Variants in GRHL2 observed in about 807,000 individuals in gnomAD.
The protein encoded by GRHL2 is grainyhead like transcription factor 2, also known as grainyhead-like protein 2 homolog.
In GRHL2, 21 loss-of-function variants were observed where a neutral mutation model predicts 83.8. The ratio of observed to expected loss-of-function variants is 0.25; its 90% CI spans 0.18 to 0.36. GRHL2 has a LOEUF of 0.36. Ranked by LOEUF, GRHL2 falls within the 10% of genes least tolerant of loss-of-function variation. The pLI, the probability that GRHL2 is intolerant of heterozygous loss-of-function variation, is 1.00. For missense variants in GRHL2, 623 were observed against 781.8 expected, an observed-to-expected ratio of 0.80 and a Z score of 2.42; for synonymous variants, 280 against 278.9, an observed-to-expected ratio of 1.00 and a Z score of -0.04.
rs565947903 is a variant in GRHL2, at chr8:101,661,177, G to T, written c.1699-3277G>T. Among the ~76,000 whole-genome samples, 4 of 152,312 alleles carry T rather than the reference G, an allele frequency of 2.6e-5. No individual in the cohort carries two copies. In the South Asian group the frequency reaches 6.2e-4, roughly 24 times the overall value. On this transcript the variant is annotated intron_variant, in intron 14 of 15. Transcript: ENST00000646743. ...AGTCCATCAGCTATCATTAGTGTTA[G>T]TGTGTTTTATGTGTGGCCCAAGACA...
At chr8:101,523,253 T>G (rs534816725) in intron 1 of GRHL2, among the ~76,000 whole-genome samples, 1 of 152,004 alleles carries the variant, frequency 6.6e-6, no homozygotes, top group Non-Finnish European at 1.5e-5. Context: ...GGATTTTTTT[T>G]TTTTCCATAC....
intron 1 of GRHL2, chr8:101,542,822 G>A: frequency 6.6e-6 from 3 of 456,870 alleles, no homozygotes; most frequent in South Asian, 1.5e-5. Context: ...TGGAAAGAGA[G>A]CAAGAGGGGG....
intron 12 of GRHL2, among the ~76,000 whole-genome samples, chr8:101,639,256 A>C (rs1292266633): frequency 6.6e-6 from 1 of 152,186 alleles, no homozygotes; most frequent in Non-Finnish European, 1.5e-5. Flanking sequence ...TTGCTCTTAC[A>C]CATCTCACTA....
At chr8:101,564,613 C>T (rs1184989778) in intron 4 of GRHL2, among the ~76,000 whole-genome samples, 1 of 151,634 alleles carries the variant, frequency 6.6e-6, no homozygotes, top group Non-Finnish European at 1.5e-5. Context: ...CAAGACTAGC[C>T]TGGGCAACAT....
rs577031724 is a variant in GRHL2, at chr8:101,576,296, C to T, written c.892-1112C>T. Among the ~76,000 whole-genome samples, 16 of 152,304 alleles carry T rather than the reference C, an allele frequency of 1.1e-4. No homozygotes were observed. The South Asian group carries it at 2.9e-3, about 28-fold the overall frequency. On this transcript the variant is annotated intron_variant, in intron 6 of 15. Transcript: ENST00000646743. ...TGGCATGATCACTACTCATTGAAGC[C>T]TCAACCTCCCAAGCTCAAACGGATC...
At chr8:101,531,002 A>C (rs980506848) in intron 1 of GRHL2, among the ~76,000 whole-genome samples, 1 of 152,130 alleles carries the variant, frequency 6.6e-6, no homozygotes, top group African/African-American at 2.4e-5. Context: ...ATGCTGAAGC[A>C]GGTGGATCAC....
chr8:101,520,798 T>C (rs528638310), intron 1 of GRHL2, among the ~76,000 whole-genome samples: 1 of 152,320 alleles, frequency 6.6e-6, no homozygotes, highest in Admixed American at 6.5e-5. Flanking sequence ...GGTCCAGCTA[T>C]ACTGCCCTTC....
intron 2 of GRHL2, among the ~76,000 whole-genome samples, chr8:101,545,443 GAAAAAAAAAAAAAAAAAAAA>G (rs34421761): frequency 1.7e-5 from 1 of 58,908 alleles, no homozygotes; most frequent in Admixed American, 2.3e-4. Flanking sequence ...GGGAATTCCT[GAAAAAAAAAAAAAAAAAAAA>G]AAAAAAAAAG....
At chr8:101,646,600 C>G (rs559902721) in intron 13 of GRHL2, among the ~76,000 whole-genome samples, 1 of 152,330 alleles carries the variant, frequency 6.6e-6, no homozygotes, top group East Asian at 1.9e-4. Flanking sequence ...GGCTCAATTA[C>G]TTTGCCTATT....
chr8:101,530,962 G>A (rs947800973), intron 1 of GRHL2, among the ~76,000 whole-genome samples: 1 of 152,132 alleles, frequency 6.6e-6, no homozygotes, highest in Non-Finnish European at 1.5e-5. Context: ...TGTGCGTGGT[G>A]GCTCACACCT....
intron 1 of GRHL2, among the ~76,000 whole-genome samples, chr8:101,536,736 CA>C (rs1811053249): frequency 6.6e-6 from 1 of 152,162 alleles, no homozygotes; most frequent in Middle Eastern, 3.2e-3. Context: ...GTGTTGAAGA[CA>C]TTGATTTTAA....
intron 1 of GRHL2, among the ~76,000 whole-genome samples, chr8:101,509,106 TCTCC>T (rs1383896586): frequency 0.071 from 8,288 of 116,634 alleles, 329 homozygotes; most frequent in East Asian, 0.15. Flanking sequence ...TCTTTCTTTC[TCTCC>T]TTCCTTCCTT....
chr8:101,553,660 G>A (rs534041563), intron 3 of GRHL2, among the ~76,000 whole-genome samples: 109 of 128,720 alleles, frequency 8.5e-4, no homozygotes, highest in African/African-American at 2.9e-3. Context: ...ACGGAGTCTC[G>A]CTCTGTCACC....
intron 1 of GRHL2, among the ~76,000 whole-genome samples, chr8:101,531,522 A>G (rs1810928826): frequency 6.6e-6 from 1 of 152,090 alleles, no homozygotes; most frequent in Non-Finnish European, 1.5e-5. Flanking sequence ...ATAAAAATTC[A>G]CCTATAATCA....
chr8:101,629,397 A>G (rs965773830), intron 9 of GRHL2, among the ~76,000 whole-genome samples: 6 of 152,092 alleles, frequency 3.9e-5, no homozygotes, highest in Middle Eastern at 3.2e-3. Context: ...GTATAGTGCA[A>G]ACATAACCTC....
intron 7 of GRHL2, among the ~76,000 whole-genome samples, chr8:101,592,812 C>T (rs1230757420): frequency 6.6e-6 from 1 of 152,186 alleles, no homozygotes; most frequent in Non-Finnish European, 1.5e-5. Flanking sequence ...TCTGAGATTC[C>T]AAGGACACAC....
chr8:101,605,495 A>T (rs192857265), intron 8 of GRHL2, among the ~76,000 whole-genome samples: 120 of 152,350 alleles, frequency 7.9e-4, no homozygotes, highest in Admixed American at 2.1e-3. Flanking sequence ...GAAAGAAAGA[A>T]AATGAATGGC....
intron 7 of GRHL2, among the ~76,000 whole-genome samples, chr8:101,584,131 T>C (rs7838060): frequency 0.01 from 1,597 of 152,332 alleles, 27 homozygotes; most frequent in African/African-American, 0.035. Flanking sequence ...ATCTCTGTCT[T>C]CAATGTTGGT....
chr8:101,625,767 A>G lies in GRHL2; in HGVS notation c.1258-5870A>G, dbSNP rs180815955. Among the ~76,000 whole-genome samples, 25 of 152,182 alleles carry G rather than the reference A, an allele frequency of 1.6e-4. No homozygotes were observed. In the East Asian group the frequency reaches 4.4e-3, roughly 27 times the overall value. On this transcript the variant is annotated intron_variant, in intron 9 of 15. Transcript: ENST00000646743. ...CTATTTTACGTATCGGTCAGTAAAT[A>G]TCAGTGCTAAGTAAAAGAAAATGGT...
Sources: gnomAD v4.1 joint callset for allele counts (sites outside exome capture counted in the v4.1 genomes callset) on GRCh38, gnomAD v4.1.1 for gene constraint, MANE v1.5 for transcripts, NCBI Gene and HGNC (gene_info 2026-07-23, HGNC 2026-07-21) for gene names.